Variants in ETFA observed in about 807,000 individuals in gnomAD.
ETFA encodes the protein electron transfer flavoprotein subunit alpha.
ETFA carries 22 observed loss-of-function variants against 46.2 expected under a neutral mutation model. That is an observed-to-expected ratio of 0.48 (90% CI 0.34 to 0.68). The LOEUF (loss-of-function observed/expected upper bound fraction) is 0.68. Among genes scored for constraint, ETFA ranks in the 30% least tolerant of loss-of-function variants. ETFA has a pLI of 0.01. For missense variants in ETFA, 345 were observed against 401.1 expected (o/e 0.86, Z 1.19); for synonymous variants, 131 against 139.9 (o/e 0.94, Z 0.45).
In ETFA at chr15:76,311,450, G is replaced by A. The variant is rs1401000508; in HGVS notation, c.-62C>T. The A allele has an allele frequency of 6.5e-6, 10 of 1,533,666 alleles. No homozygotes were observed. Among genetic ancestry groups the A allele is most frequent in the Non-Finnish European group, 7.9e-6 (9 of 1,138,572 alleles). On this transcript the variant is annotated 5_prime_UTR_variant, in exon 1 of 12. Transcript: ENST00000557943. ...GCCCCGTGCCCGGCCAACTGGCGCCGCCTCAGCCAGTCACCTAATGCTCGC... is the reference window on the plus strand; with the variant it reads ...GCCCCGTGCCCGGCCAACTGGCGCCACCTCAGCCAGTCACCTAATGCTCGC...
intron 4 of ETFA, among the ~76,000 whole-genome samples, chr15:76,290,910 T>C (rs1296746215): frequency 6.6e-6 from 1 of 152,178 alleles, no homozygotes; most frequent in African/African-American, 2.4e-5. Context: ...ACAACTTATT[T>C]TACAATTTTT....
At chr15:76,238,044 A>C (rs905133286) in intron 9 of ETFA, among the ~76,000 whole-genome samples, 3 of 152,224 alleles carry the variant, frequency 2.0e-5, no homozygotes, top group African/African-American at 4.8e-5. Flanking sequence ...GCAAGTACTA[A>C]GACATATCAA....
Position 76,285,676 on chromosome 15 carries a change from G to C in ETFA, c.625C>G (p.Arg209Gly), listed in dbSNP as rs199763682. 4.3e-6 allele frequency: 7 copies of C among 1,611,974 alleles called. No individual in the cohort carries two copies. Among genetic ancestry groups the C allele is most frequent in the African/African-American group, 1.3e-5 (1 of 74,804 alleles). The change falls in exon 7 of 12, where the codon CGA (arginine) becomes GGA (glycine). Residue 209 changes from arginine to glycine, a missense_variant. Transcript: ENST00000557943. ...ACTTTGGCACCTGTTAGCTCTGGTC[G>C]ATCACTTTTTGTTAATTTCTGGTCA... ...WLDQKLTKSD[R>G]PELTGAKVVV... is the part of the protein sequence containing the mutation.
chr15:76,273,763 A>C (rs2039565641), intron 9 of ETFA, among the ~76,000 whole-genome samples: 1 of 152,202 alleles, frequency 6.6e-6, no homozygotes, highest in African/African-American at 2.4e-5. Context: ...TACAAGTTTA[A>C]ACTGGCTGAG....
At chr15:76,237,059 C>T (rs1241613468) in intron 9 of ETFA, among the ~76,000 whole-genome samples, 2 of 152,142 alleles carry the variant, frequency 1.3e-5, no homozygotes, top group East Asian at 1.9e-4. Flanking sequence ...TTTAGAAAGA[C>T]TGATTGATTT....
intron 9 of ETFA, among the ~76,000 whole-genome samples, chr15:76,251,823 C>T (rs2039301367): frequency 6.6e-6 from 1 of 152,284 alleles, no homozygotes; most frequent in Non-Finnish European, 1.5e-5. Flanking sequence ...TAATTTCTGC[C>T]TCTCACGAAA....
At chr15:76,262,514 G>A (rs559161159) in intron 9 of ETFA, among the ~76,000 whole-genome samples, 24 of 110,698 alleles carry the variant, frequency 2.2e-4, no homozygotes, top group South Asian at 2.1e-3. Context: ...AAGGTGTCTC[G>A]CTCTGTCACC....
chr15:76,277,238 C>G (rs183808044), intron 8 of ETFA, among the ~76,000 whole-genome samples: 211 of 152,302 alleles, frequency 1.4e-3, no homozygotes, highest in African/African-American at 4.4e-3. Context: ...GAGTATTTAC[C>G]TTTCCTCAGG....
At chr15:76,251,145 G>A (rs896836831) in intron 9 of ETFA, among the ~76,000 whole-genome samples, 3 of 152,106 alleles carry the variant, frequency 2.0e-5, no homozygotes, top group Non-Finnish European at 4.4e-5. Context: ...GGCAGATAAA[G>A]GGTTTTCTTT....
intron 1 of ETFA, among the ~76,000 whole-genome samples, 156 bp from the exon 2 acceptor site, chr15:76,295,893 C>T (rs575392934): frequency 6.5e-5 from 9 of 139,458 alleles, no homozygotes; most frequent in South Asian, 2.2e-4. Flanking sequence ...TGTTCTATAG[C>T]GAAAATCTAG....
chr15:76,276,725 C>T (rs2039596322), intron 8 of ETFA, among the ~76,000 whole-genome samples: 1 of 152,098 alleles, frequency 6.6e-6, no homozygotes, highest in Non-Finnish European at 1.5e-5. Flanking sequence ...CTTTCCTCGG[C>T]CATATCCAGT....
At chr15:76,277,407 A>G (rs1264320716) in intron 8 of ETFA, among the ~76,000 whole-genome samples, 1 of 152,070 alleles carries the variant, frequency 6.6e-6, no homozygotes, top group Non-Finnish European at 1.5e-5. Flanking sequence ...ATTTTTCTCT[A>G]ATTTTCACCA....
chr15:76,248,605 G>A (rs1234209075), intron 9 of ETFA, among the ~76,000 whole-genome samples: 2 of 152,098 alleles, frequency 1.3e-5, no homozygotes, highest in African/African-American at 4.8e-5. Flanking sequence ...AGACATAAAT[G>A]AAAGAAAATG....
At position 76,274,509 on chromosome 15, in the gene ETFA, T is replaced by A; in HGVS notation, c.734-15A>T. The A allele has an allele frequency of 6.2e-7, 1 of 1,601,468 alleles. No homozygotes were observed. Among genetic ancestry groups the A allele is most frequent in the Non-Finnish European group, 8.5e-7 (1 of 1,171,610 alleles). ...GGAAGCACCAACTAAGGGGAAAAAA[T>A]ATTTGTCATTTTTTTCAAGCTCTAT... On this transcript the variant is annotated splice_polypyrimidine_tract_variant and intron_variant, in intron 8 of 11. Coordinates refer to ENST00000557943, the MANE Select transcript of ETFA (RefSeq NM_000126.4).
In ETFA at chr15:76,287,829, C is replaced by A. The variant is rs1440036963; in HGVS notation, c.451+17G>T. On this transcript the variant is annotated intron_variant, in intron 5 of 11. Coordinates refer to ENST00000557943, the MANE Select transcript of ETFA (RefSeq NM_000126.4). ...AAAATTTAACATGTTGATTAATTAT[C>A]TTCCTTGAGTACTCACCTGCATAAA... The A allele has an allele frequency of 1.3e-6, 2 of 1,487,836 alleles. No homozygotes were observed. The highest frequency in any genetic ancestry group is 1.7e-5 in the Admixed American group (1 of 59,790). The allele number at this position is 1,487,836 out of a possible 1,614,324, so 92.2% of individuals were successfully genotyped here. A position where few individuals can be genotyped will look rare whatever the true frequency, so the allele number is the denominator to read the frequency against.
At chr15:76,311,068 G>A (rs1292612923) in intron 1 of ETFA, among the ~76,000 whole-genome samples, 2 of 152,200 alleles carry the variant, frequency 1.3e-5, no homozygotes, top group Admixed American at 6.5e-5. Flanking sequence ...GGTGGGAAAC[G>A]GCAGGGCAGA....
rs1207878256 is a variant in ETFA at position 76,216,245 on chromosome 15, T to G, written c.*314A>C. ...CAAAAAAATAAATAAATAAACAAAA[T>G]TTTTACTCCTTTTCTTCAATTTTCT... On this transcript the variant is annotated 3_prime_UTR_variant, in exon 12 of 12. Transcript: ENST00000557943. 1.2e-5 allele frequency: 3 copies of G among 250,316 alleles called. No homozygotes were observed. Among genetic ancestry groups the G allele is most frequent in the Non-Finnish European group, 1.5e-5 (2 of 132,054 alleles). The allele number at this position is 250,316 out of a possible 1,614,324, so 15.5% of individuals were successfully genotyped here.
chr15:76,236,955 C>T (rs1376097821), intron 9 of ETFA, among the ~76,000 whole-genome samples: 1 of 151,900 alleles, frequency 6.6e-6, no homozygotes, highest in Non-Finnish European at 1.5e-5. Flanking sequence ...ATATGTGAGT[C>T]AAAAAAATTA....
At position 76,215,513 on chromosome 15, in the gene ETFA, G is replaced by C. The variant is rs1049650391; in HGVS notation, c.*1046C>G. The C allele has an allele frequency of 6.6e-5, 10 of 152,092 alleles. No individual in the cohort carries two copies. Among genetic ancestry groups the C allele is most frequent in the African/African-American group, 2.4e-4 (10 of 41,358 alleles). 9.4% of individuals were successfully genotyped at this position (152,092 alleles called of 1,614,324 possible). A position where few individuals can be genotyped will look rare whatever the true frequency, so the allele number is the denominator to read the frequency against. On this transcript the variant is annotated 3_prime_UTR_variant, in exon 12 of 12. Coordinates refer to ENST00000557943, the MANE Select transcript of ETFA (RefSeq NM_000126.4). ...TCTTCCCTACTGTCTGCTTGATCCA[G>C]GTCACTACTCCTACTTCTGCAGATC...
Sources: gnomAD v4.1 joint callset for allele counts (sites outside exome capture counted in the v4.1 genomes callset) on GRCh38, gnomAD v4.1.1 for gene constraint, MANE v1.5 for transcripts, NCBI Gene and HGNC (gene_info 2026-07-23, HGNC 2026-07-21) for gene names.